EFCAB5: variants seen among roughly 807,000 people sequenced by gnomAD.
EFCAB5 encodes the protein EF-hand calcium binding domain 5, also known as EF-hand calcium-binding domain-containing protein 5.
EFCAB5 carries 131 observed loss-of-function variants against 167.9 expected under a neutral mutation model. The observed-to-expected ratio is 0.78, with a 90% confidence interval of 0.68 to 0.90. The LOEUF (loss-of-function observed/expected upper bound fraction) is 0.90, where lower values mean the gene tolerates loss of function less well. Among genes scored for constraint, EFCAB5 ranks in the 40% least tolerant of loss-of-function variants. The pLI is 0.00. For synonymous variants in EFCAB5, 574 were observed against 602.8 expected (o/e 0.95, Z 0.70); for missense variants, 1,663 against 1,745.2 (o/e 0.95, Z 0.84).
chr17:30,073,563 A>G (rs1597771115), intron 14 of EFCAB5: 4 of 609,784 alleles, frequency 6.6e-6, no homozygotes, highest in Admixed American at 5.4e-5. Flanking sequence ...AAATCAATAC[A>G]TTTCTCCCTA....
rs759491606 is a variant in EFCAB5, at chr17:29,999,927, A to C, written c.995A>C (p.Asp332Ala). The change falls in exon 7 of 23, where the codon GAT becomes GCT. Residue 332 changes from aspartate to alanine, a missense_variant. Asp to Ala is a moderately radical substitution (Grantham distance 126). Coordinates refer to ENST00000394835, the MANE Select transcript of EFCAB5 (RefSeq NM_198529.4). ...ATAGGATCACACTGCAAACAACTGGATATTACTGACTCAACAGAACCAAGA... is the reference window on the plus strand; with the variant it reads ...ATAGGATCACACTGCAAACAACTGGCTATTACTGACTCAACAGAACCAAGA... ...FKLGSHCKQL[D>A]ITDSTEPRLN... The C allele has an allele frequency of 5.7e-6, 9 of 1,587,158 alleles. No homozygotes were observed. The highest frequency in any genetic ancestry group is 7.7e-6 in the Non-Finnish European group (9 of 1,165,262).
intron 7 of EFCAB5, among the ~76,000 whole-genome samples, chr17:30,011,061 C>T (rs2068886217): frequency 6.6e-6 from 1 of 152,170 alleles, no homozygotes; most frequent in South Asian, 2.1e-4. Context: ...GGAATCCTTT[C>T]CCCATTTCTT....
chr17:30,073,914 A>G (rs1179625748), intron 14 of EFCAB5: 1 of 276,132 alleles, frequency 3.6e-6, no homozygotes, highest in Non-Finnish European at 6.8e-6. Flanking sequence ...TAAATAAAAG[A>G]TATAGAACAA....
intron 9 of EFCAB5, 138 bp downstream of exon 9, chr17:30,051,355 C>G (rs2151774796): frequency 1.6e-6 from 1 of 644,202 alleles, no homozygotes. Flanking sequence ...TCTCTTAGAT[C>G]ATGATAACTG....
chr17:29,948,782 T>A (rs2151530352), intron 3 of EFCAB5, among the ~76,000 whole-genome samples: 1 of 152,344 alleles, frequency 6.6e-6, no homozygotes, highest in African/African-American at 2.4e-5. Context: ...AACTTGCATT[T>A]TGAGAATTTT....
rs1480648676 is a variant in EFCAB5 at position 29,969,273 on chromosome 17, T to G, written c.673T>G (p.Tyr225Asp). Residue 225 changes from tyrosine (Y) to aspartate (D), a missense_variant, in exon 4 of 23, where the codon TAT becomes GAT. Physicochemically the swap from Tyr to Asp is radical, Grantham distance 160 (BLOSUM62 -3). Coordinates refer to ENST00000394835, the MANE Select transcript of EFCAB5 (RefSeq NM_198529.4). Reference sequence around the variant, plus strand: ...ATATTTAATAAGAAACAATCCTAATTATATCAAAGACCCAGGAATGTCTGG... The same window carrying G: ...ATATTTAATAAGAAACAATCCTAATGATATCAAAGACCCAGGAATGTCTGG... ...GEYLIRNNPN[Y>D]IKDPGMSGYQ... The G allele has an allele frequency of 6.2e-7, 1 of 1,613,516 alleles. No individual in the cohort carries two copies. Among genetic ancestry groups the G allele is most frequent in the Non-Finnish European group, 8.5e-7 (1 of 1,179,778 alleles).
intron 17 of EFCAB5, among the ~76,000 whole-genome samples, chr17:30,081,968 C>A (rs114313601): frequency 1.8e-4 from 27 of 152,214 alleles, no homozygotes; most frequent in African/African-American, 6.5e-4. Context: ...GCCTTGAGTC[C>A]TAATATAAAA....
intron 4 of EFCAB5, among the ~76,000 whole-genome samples, chr17:29,979,585 C>G (rs2068131145): frequency 6.6e-6 from 1 of 152,210 alleles, no homozygotes; most frequent in Admixed American, 6.5e-5. Context: ...AACATCCCTC[C>G]CTTTGTTTCT....
intron 8 of EFCAB5, among the ~76,000 whole-genome samples, chr17:30,046,925 G>T (rs1440317774): frequency 2.0e-5 from 3 of 152,176 alleles, no homozygotes; most frequent in Non-Finnish European, 2.9e-5. Flanking sequence ...AGAGATGAGT[G>T]TTGGTACTCC....
intron 8 of EFCAB5, among the ~76,000 whole-genome samples, chr17:30,047,260 C>T (rs903119486): frequency 6.6e-6 from 1 of 152,154 alleles, no homozygotes; most frequent in African/African-American, 2.4e-5. Flanking sequence ...ATTGATTTTT[C>T]ATATGTAGCC....
chr17:30,035,085 G>A (rs150059328), intron 8 of EFCAB5, among the ~76,000 whole-genome samples: 16 of 152,266 alleles, frequency 1.1e-4, no homozygotes, highest in African/African-American at 2.6e-4. Context: ...TAAAAGAACC[G>A]ATATATTGCA....
At chr17:30,025,425 T>C (rs2069291684) in intron 7 of EFCAB5, among the ~76,000 whole-genome samples, 1 of 152,072 alleles carries the variant, frequency 6.6e-6, no homozygotes, top group Non-Finnish European at 1.5e-5. Flanking sequence ...AAAATGCTCA[T>C]CATCACTGGC....
At chr17:29,980,190 T>G (rs1291986512) in intron 4 of EFCAB5, among the ~76,000 whole-genome samples, 1 of 152,008 alleles carries the variant, frequency 6.6e-6, no homozygotes, top group Non-Finnish European at 1.5e-5. Flanking sequence ...AAACAAAACT[T>G]AAACTTACTG....
At chr17:30,060,177 A>G (rs1484290156) in intron 14 of EFCAB5, among the ~76,000 whole-genome samples, 1 of 152,138 alleles carries the variant, frequency 6.6e-6, no homozygotes, top group Non-Finnish European at 1.5e-5. Flanking sequence ...AACCTGCACA[A>G]TGTGCACATG....
At chr17:29,947,488 T>TG (rs2067427152) in intron 3 of EFCAB5, among the ~76,000 whole-genome samples, 2 of 152,178 alleles carry the variant, frequency 1.3e-5, no homozygotes, top group Admixed American at 1.3e-4. Context: ...ACTCAGGTGA[T>TG]GGGTGCACTA....
At chr17:29,950,033 G>A (rs1244657460) in intron 3 of EFCAB5, among the ~76,000 whole-genome samples, 2 of 152,124 alleles carry the variant, frequency 1.3e-5, no homozygotes, top group East Asian at 1.9e-4. Flanking sequence ...TGGGAGACAG[G>A]TTAAAAGGAA....
intron 12 of EFCAB5, among the ~76,000 whole-genome samples, chr17:30,056,755 T>C (rs2151789749): frequency 6.6e-6 from 1 of 152,352 alleles, no homozygotes; most frequent in Admixed American, 6.5e-5. Flanking sequence ...ATCTTCTTCC[T>C]ACCTGCAAAT....
intron 8 of EFCAB5, among the ~76,000 whole-genome samples, chr17:30,039,260 C>T (rs769314908): frequency 2.6e-5 from 4 of 152,184 alleles, no homozygotes; most frequent in Non-Finnish European, 5.9e-5. Flanking sequence ...GGACACATCA[C>T]ACCCGAGTCA....
intron 4 of EFCAB5, among the ~76,000 whole-genome samples, chr17:29,989,681 A>G (rs528303285): frequency 2.8e-4 from 43 of 152,258 alleles, no homozygotes; most frequent in Middle Eastern, 6.8e-3. Flanking sequence ...TTTTTTCTTA[A>G]TTATGAAAAC....
Sources: allele counts gnomAD v4.1 joint callset (sites outside exome capture counted in the v4.1 genomes callset), GRCh38; gene constraint gnomAD v4.1.1; transcripts MANE v1.5; gene names NCBI Gene and HGNC (gene_info 2026-07-23, HGNC 2026-07-21).